The following TACR2 variants were observed in gnomAD, a reference collection of about 807,000 sequenced individuals.
TACR2 encodes substance-K receptor.
A neutral mutation model predicts 28.9 loss-of-function variants in TACR2; 24 were observed. The ratio of observed to expected loss-of-function variants is 0.83; its 90% CI spans 0.60 to 1.17. The LOEUF (loss-of-function observed/expected upper bound fraction) is 1.17. Ranked by LOEUF, TACR2 falls within the 50% of genes most tolerant of loss-of-function variation. TACR2 has a pLI of 0.00. For missense variants in TACR2, 487 were observed against 524.4 expected (o/e 0.93, Z 0.70); for synonymous variants, 222 against 212.6 (o/e 1.04, Z -0.38).
At position 69,408,913 on chromosome 10, in the gene TACR2, CG is replaced by C; in HGVS notation, c.741+8del. ...CCCGCCCCCTCCAGGCCCCCGCCCC[CG>C]CGCCCACCTTCTTCATGGCCTGCAG... On this transcript the variant is annotated splice_region_variant and intron_variant, in intron 3 of 4. Transcript: ENST00000373306. 7.3e-7 allele frequency: 1 copy of C among 1,370,814 alleles called. No individual in the cohort carries two copies. The highest frequency in any genetic ancestry group is 9.5e-7 in the Non-Finnish European group (1 of 1,051,632). 84.9% of individuals were successfully genotyped at this position (1,370,814 alleles called of 1,614,324 possible). A position where few individuals can be genotyped will look rare whatever the true frequency, so the allele number is the denominator to read the frequency against.
At chr10:69,409,832 T>C (rs1208962658) in intron 2 of TACR2, among the ~76,000 whole-genome samples, 2 of 145,390 alleles carry the variant, frequency 1.4e-5, no homozygotes, top group Non-Finnish European at 3.0e-5. Flanking sequence ...TATAGCCATA[T>C]ATGTATACGT....
At position 69,407,297 on chromosome 10, in the gene TACR2, T is replaced by C. The variant is rs757178687; in HGVS notation, c.742-17A>G. The C allele has an allele frequency of 2.5e-6, 4 of 1,594,546 alleles. No homozygotes were observed. Among genetic ancestry groups the C allele is most frequent in the Non-Finnish European group, 3.4e-6 (4 of 1,171,476 alleles). On this transcript the variant is annotated splice_polypyrimidine_tract_variant and intron_variant, in intron 3 of 4. Transcript: ENST00000373306. ...CTTCACAAACTGGTCCAGGAGAGGC[T>C]CAAGTTACTTCTTAGTGCCCAAGCC...
intron 2 of TACR2, among the ~76,000 whole-genome samples, chr10:69,410,232 G>A (rs1431829947): frequency 8.6e-5 from 13 of 151,996 alleles, no homozygotes; most frequent in Admixed American, 7.2e-4. Context: ...TGGAAACAGT[G>A]TAGGCCAGGC....
chr10:69,409,445 A>G (rs1195757264), intron 2 of TACR2, among the ~76,000 whole-genome samples: 1 of 152,234 alleles, frequency 6.6e-6, no homozygotes, highest in Non-Finnish European at 1.5e-5. Context: ...CACTCCCACC[A>G]CTATTAACAT....
Position 69,414,875 on chromosome 10 carries a change from G to C in TACR2, c.587+70C>G, listed in dbSNP as rs375337522. The stretch of plus-strand genomic sequence containing the variant: ...TGCATGGACATGGATGCATGCACGC[G>C]TGTGTACACACACACACACAGACTC... On this transcript the variant is annotated intron_variant, in intron 2 of 4. Transcript: ENST00000373306. The C allele has an allele frequency of 7.2e-5, 108 of 1,509,126 alleles. No individual in the cohort carries two copies. The African/African-American group carries it at 1.4e-3, about 19-fold the overall frequency. 93.5% of individuals were successfully genotyped at this position (1,509,126 alleles called of 1,614,324 possible). A position where few individuals can be genotyped will look rare whatever the true frequency, so the allele number is the denominator to read the frequency against.
chr10:69,412,507 G>A (rs889443819), intron 2 of TACR2, among the ~76,000 whole-genome samples: 17 of 152,240 alleles, frequency 1.1e-4, no homozygotes, highest in African/African-American at 4.1e-4. Context: ...GGAAACTGAG[G>A]CCCAGAGAGG....
chr10:69,410,382 G>T (rs1261152685), intron 2 of TACR2, among the ~76,000 whole-genome samples: 1 of 151,984 alleles, frequency 6.6e-6, no homozygotes, highest in Non-Finnish European at 1.5e-5. Flanking sequence ...TTAGCCAGGC[G>T]TAATGGGGCA....
At position 69,415,070 on chromosome 10, in the gene TACR2, G is replaced by A; in HGVS notation, c.462C>T (p.Gly154=). The A allele has an allele frequency of 6.2e-7, 1 of 1,613,688 alleles. No individual in the cohort carries two copies. Among genetic ancestry groups the A allele is most frequent in the Non-Finnish European group, 8.5e-7 (1 of 1,180,008 alleles). Residue 154 remains glycine (G), a synonymous_variant, in exon 2 of 5, where the codon GGC becomes GGT. Transcript: ENST00000373306. ...SAPSTKAVIA[G]IWLVALALAS... is the part of the protein sequence containing the mutation. The stretch of plus-strand genomic sequence containing the variant: ...CCAGGGCGAGAGCCACCAGCCAGAT[G>A]CCAGCAATAACCGCCTTGGTGCTGG...
At chr10:69,410,514 C>T (rs1403465701) in intron 2 of TACR2, among the ~76,000 whole-genome samples, 1 of 134,022 alleles carries the variant, frequency 7.5e-6, no homozygotes, top group African/African-American at 2.7e-5. Context: ...GAGTGAGACC[C>T]TGTCAAAAAA....
At chr10:69,406,885 G>A (rs1488439551) in intron 4 of TACR2, among the ~76,000 whole-genome samples, 199 bp downstream of exon 4, 1 of 152,190 alleles carries the variant, frequency 6.6e-6, no homozygotes, top group Non-Finnish European at 1.5e-5. Context: ...GGAGGAAGGG[G>A]GCTCAAGCTA....
chr10:69,405,813 C>T (rs568520815), intron 4 of TACR2, among the ~76,000 whole-genome samples: 2 of 152,286 alleles, frequency 1.3e-5, no homozygotes, highest in South Asian at 4.1e-4. Context: ...CTGGTGGCCC[C>T]TCCCAGATGT....
At chr10:69,415,705 T>C (rs1211159411) in intron 1 of TACR2, among the ~76,000 whole-genome samples, 1 of 152,228 alleles carries the variant, frequency 6.6e-6, no homozygotes, top group Non-Finnish European at 1.5e-5. Flanking sequence ...ACCTGTCTAG[T>C]GCATCTAGTG....
intron 4 of TACR2, among the ~76,000 whole-genome samples, chr10:69,405,508 A>T (rs1199731580): frequency 6.6e-6 from 1 of 152,232 alleles, no homozygotes; most frequent in Non-Finnish European, 1.5e-5. Context: ...GAGAACAAGG[A>T]TGCTTTTCCC....
At chr10:69,414,173 G>T (rs1843146524) in intron 2 of TACR2, among the ~76,000 whole-genome samples, 1 of 152,182 alleles carries the variant, frequency 6.6e-6, no homozygotes, top group South Asian at 2.1e-4. Context: ...TCACACAGCA[G>T]CTGGGCCATG....
chr10:69,416,016 C>A lies in TACR2; in HGVS notation c.308G>T (p.Arg103Leu), dbSNP rs201860473. The change falls in exon 1 of 5, where the codon CGT becomes CTT. Residue 103 changes from arginine to leucine, a missense_variant. Physicochemically the swap from Arg to Leu is moderately radical, Grantham distance 102. Transcript: ENST00000373306. ...GAGGTTCTGGAAGTAGCAGAAGGCA[C>A]GGCCAAAGTACCAGATGTTGTGGCT... ...YASHNIWYFG[R>L]AFCYFQNLFP... 1 of 1,614,190 alleles carries A rather than the reference C, an allele frequency of 6.2e-7. No homozygotes were observed. Among genetic ancestry groups the A allele is most frequent in the Non-Finnish European group, 8.5e-7 (1 of 1,180,026 alleles).
At position 69,414,964 on chromosome 10, in the gene TACR2, C is replaced by G; in HGVS notation, c.568G>C (p.Gly190Arg). 2 of 1,612,512 alleles carry G rather than the reference C, an allele frequency of 1.2e-6. No individual in the cohort carries two copies. The highest frequency in any genetic ancestry group is 2.2e-5 in the South Asian group (2 of 91,022). ...KCVVAWPEDS[G>R]GKTLLLYHLV... is the part of the protein sequence containing the mutation. ...CCTTACAGGAGGAGCGTCTTGCCCC[C>G]GCTGTCTTCGGGCCAGGCCACCACG... is the stretch of plus-strand genomic sequence containing the variant. The change falls in exon 2 of 5, where the codon GGG becomes CGG. Residue 190 changes from glycine (G) to arginine (R), a missense_variant. By Grantham distance (125) the Gly-to-Arg change is moderately radical. Transcript: ENST00000373306.
chr10:69,406,528 G>A lies in TACR2; in HGVS notation c.938+556C>T, dbSNP rs190292448. ...CTGCCCTGAAAGTCCCTGGAGGACA[G>A]GGCATGCACTGTGAGCTTTCCAGGG... On this transcript the variant is annotated intron_variant, in intron 4 of 4. Coordinates refer to ENST00000373306, the MANE Select transcript of TACR2 (RefSeq NM_001057.3). Among the ~76,000 whole-genome samples, 60 of 152,314 alleles carry A rather than the reference G, an allele frequency of 3.9e-4. 1 individual carries two copies. The highest frequency in any genetic ancestry group is 5.5e-4 in the African/African-American group (23 of 41,566).
At chr10:69,411,975 G>T (rs1341485406) in intron 2 of TACR2, among the ~76,000 whole-genome samples, 2 of 152,132 alleles carry the variant, frequency 1.3e-5, no homozygotes, top group East Asian at 3.8e-4. Flanking sequence ...GAGATTACAG[G>T]TGCCTGCCAC....
At position 69,408,921 on chromosome 10, in the gene TACR2, C is replaced by T. The variant is rs1444402840; in HGVS notation, c.741+1G>A. ...CTCCAGGCCCCCGCCCCCGCGCCCA[C>T]CTTCTTCATGGCCTGCAGGTGGCGC... On this transcript the variant is annotated splice_donor_variant, in intron 3 of 4. Transcript: ENST00000373306. LOFTEE classifies it high-confidence loss of function. 1 of 1,432,386 alleles carries T rather than the reference C, an allele frequency of 7.0e-7. No individual in the cohort carries two copies. 88.7% of individuals were successfully genotyped at this position (1,432,386 alleles called of 1,614,324 possible).
Sources: gnomAD v4.1 joint callset for allele counts (sites outside exome capture counted in the v4.1 genomes callset) on GRCh38, gnomAD v4.1.1 for gene constraint, MANE v1.5 for transcripts, NCBI Gene and HGNC (gene_info 2026-07-23, HGNC 2026-07-21) for gene names.